Variants in PLD1 observed in about 807,000 individuals in gnomAD.
PLD1 encodes the protein phospholipase D1.
PLD1 carries 112 observed loss-of-function variants against 137.1 expected under a neutral mutation model. That is an observed-to-expected ratio of 0.82 (90% CI 0.70 to 0.96). The LOEUF is 0.96. Among genes scored for constraint, PLD1 ranks in the 40% least tolerant of loss-of-function variants. The probability of loss-of-function intolerance (pLI) is 0.00; values close to 1 mark genes in which losing one functional copy is unlikely to be tolerated. For missense variants in PLD1, 1,321 were observed against 1,342.0 expected (o/e 0.98, Z 0.24); for synonymous variants, 431 against 454.7 (o/e 0.95, Z 0.66).
chr3:171,776,367 C>A (rs749587594), intron 1 of PLD1, among the ~76,000 whole-genome samples: 1 of 152,202 alleles, frequency 6.6e-6, no homozygotes, highest in Non-Finnish European at 1.5e-5. Context: ...GCACTTCTCT[C>A]CAGGCTTCTA....
At chr3:171,761,471 C>A (rs1009079023) in intron 1 of PLD1, among the ~76,000 whole-genome samples, 11 of 152,276 alleles carry the variant, frequency 7.2e-5, no homozygotes, top group Non-Finnish European at 1.6e-4. Flanking sequence ...CTTCCTCCTC[C>A]AGACCTAGGC....
chr3:171,684,260 A>T (rs1714323083), intron 16 of PLD1, among the ~76,000 whole-genome samples: 1 of 152,060 alleles, frequency 6.6e-6, no homozygotes, highest in South Asian at 2.1e-4. Flanking sequence ...CATAATTCAG[A>T]TCCATAATCT....
chr3:171,718,352 C>G (rs1717829432), intron 8 of PLD1, among the ~76,000 whole-genome samples: 1 of 152,084 alleles, frequency 6.6e-6, no homozygotes, highest in Non-Finnish European at 1.5e-5. Flanking sequence ...ACAAAAAGCC[C>G]AGGACCAGGC....
intron 23 of PLD1, among the ~76,000 whole-genome samples, chr3:171,634,979 T>A (rs1278983839): frequency 6.6e-6 from 1 of 152,156 alleles, no homozygotes; most frequent in East Asian, 1.9e-4. Context: ...ACTGGCTCTA[T>A]GGATTTGCCT....
At position 171,602,369 on chromosome 3, in the gene PLD1, A is replaced by G. The variant is rs183477797; in HGVS notation, c.*709T>C. 17 of 152,448 alleles carry G rather than the reference A, an allele frequency of 1.1e-4. No homozygotes were observed. Among genetic ancestry groups the G allele is most frequent in the Admixed American group, 9.8e-4 (15 of 15,310 alleles). 9.4% of individuals were successfully genotyped at this position (152,448 alleles called of 1,614,324 possible). On this transcript the variant is annotated 3_prime_UTR_variant, in exon 27 of 27. Transcript: ENST00000351298. ...TCATGTTGTCAGTGCCTTTGGGAGCAAAATGAAATAAATCTCTGTCTCAAT... is the reference window on the plus strand; with the variant it reads ...TCATGTTGTCAGTGCCTTTGGGAGCGAAATGAAATAAATCTCTGTCTCAAT...
chr3:171,631,924 A>G (rs561779668), intron 23 of PLD1, among the ~76,000 whole-genome samples: 212 of 152,324 alleles, frequency 1.4e-3, no homozygotes, highest in African/African-American at 5.0e-3. Flanking sequence ...TCACAGAATA[A>G]TTAACGCATG....
intron 1 of PLD1, among the ~76,000 whole-genome samples, chr3:171,773,120 T>C (rs1722452323): frequency 6.6e-6 from 1 of 152,260 alleles, no homozygotes; most frequent in South Asian, 2.1e-4. Context: ...AGCAAAAATT[T>C]ATTTCCTTTT....
intron 1 of PLD1, among the ~76,000 whole-genome samples, chr3:171,750,055 C>G (rs759585236): frequency 6.6e-6 from 1 of 152,180 alleles, no homozygotes; most frequent in Admixed American, 6.5e-5. Flanking sequence ...ACAATGTCAC[C>G]TAAAACTACT....
At chr3:171,716,017 G>A (rs1213687889) in intron 8 of PLD1, among the ~76,000 whole-genome samples, 1 of 150,928 alleles carries the variant, frequency 6.6e-6, no homozygotes, top group Non-Finnish European at 1.5e-5. Context: ...GAGAACAGGT[G>A]GTATTGGGTT....
intron 10 of PLD1, among the ~76,000 whole-genome samples, chr3:171,709,067 A>G (rs1004298881): frequency 2.0e-5 from 3 of 152,190 alleles, no homozygotes; most frequent in African/African-American, 7.2e-5. Context: ...TTAGAGAACA[A>G]CAAATTTATT....
intron 1 of PLD1, among the ~76,000 whole-genome samples, chr3:171,738,830 A>G (rs1719572389): frequency 6.6e-6 from 1 of 152,218 alleles, no homozygotes; most frequent in Non-Finnish European, 1.5e-5. Flanking sequence ...AGGGCAGAAG[A>G]GTTCACATGG....
chr3:171,696,953 C>A (rs981774449), intron 12 of PLD1, among the ~76,000 whole-genome samples: 1 of 152,154 alleles, frequency 6.6e-6, no homozygotes, highest in Admixed American at 6.5e-5. Context: ...CACGAGGGAC[C>A]TCGCCAGGGT....
intron 25 of PLD1, among the ~76,000 whole-genome samples, chr3:171,606,405 G>A (rs1732206359): frequency 6.6e-6 from 1 of 152,148 alleles, no homozygotes. Flanking sequence ...GAGAAGGCTT[G>A]TTTAGAGATA....
At chr3:171,737,695 T>C (rs768673076) in intron 2 of PLD1, 36 bp from the exon 3 acceptor site, 7 of 1,426,156 alleles carry the variant, frequency 4.9e-6, no homozygotes, top group Non-Finnish European at 5.8e-6. Context: ...ATGCAATATA[T>C]GATTAGCATA....
At chr3:171,716,407 T>C (rs949795622) in intron 8 of PLD1, among the ~76,000 whole-genome samples, 2 of 152,188 alleles carry the variant, frequency 1.3e-5, no homozygotes, top group African/African-American at 4.8e-5. Context: ...TCTGTTTATT[T>C]GTTTGTTTGT....
chr3:171,638,415 A>G (rs546131931), intron 23 of PLD1, among the ~76,000 whole-genome samples: 8 of 152,212 alleles, frequency 5.3e-5, no homozygotes, highest in African/African-American at 1.9e-4. Flanking sequence ...GGTGATAGGA[A>G]TTTTTCAGCT....
At chr3:171,780,569 G>C (rs1002557124) in intron 1 of PLD1, among the ~76,000 whole-genome samples, 1 of 152,122 alleles carries the variant, frequency 6.6e-6, no homozygotes, top group Non-Finnish European at 1.5e-5. Flanking sequence ...TGGGGTAGTA[G>C]GAAACCCAGG....
intron 18 of PLD1, among the ~76,000 whole-genome samples, chr3:171,676,253 C>G (rs1452586863): frequency 6.6e-6 from 1 of 152,128 alleles, no homozygotes; most frequent in Non-Finnish European, 1.5e-5. Flanking sequence ...CTTCTTAATA[C>G]TTCTTGGTTT....
chr3:171,765,123 A>G (rs1230648566), intron 1 of PLD1: 1 of 152,172 alleles, frequency 6.6e-6, no homozygotes, highest in Non-Finnish European at 1.5e-5. Flanking sequence ...TAAAAAATGG[A>G]CTATAGTTAT....
Sources: allele counts gnomAD v4.1 joint callset (sites outside exome capture counted in the v4.1 genomes callset), GRCh38; gene constraint gnomAD v4.1.1; transcripts MANE v1.5; gene names NCBI Gene and HGNC (gene_info 2026-07-23, HGNC 2026-07-21).